Variants in ETFDH observed in about 807,000 individuals in gnomAD.
ETFDH encodes the protein electron transfer flavoprotein dehydrogenase, also known as electron transfer flavoprotein-ubiquinone oxidoreductase, mitochondrial.
ETFDH carries 61 observed loss-of-function variants against 73.2 expected under a neutral mutation model. The ratio of observed to expected loss-of-function variants is 0.83; its 90% CI spans 0.68 to 1.03. The LOEUF (loss-of-function observed/expected upper bound fraction) is 1.03. Among genes scored for constraint, ETFDH ranks in the 50% least tolerant of loss-of-function variants. The pLI, the probability that ETFDH is intolerant of heterozygous loss-of-function variation, is 0.00. For synonymous variants in ETFDH, 243 were observed against 253.3 expected (o/e 0.96, Z 0.39); for missense variants, 685 against 745.0 (o/e 0.92, Z 0.94).
intron 1 of ETFDH, among the ~76,000 whole-genome samples, chr4:158,673,152 A>G (rs1447966814): frequency 1.3e-5 from 2 of 152,176 alleles, no homozygotes; most frequent in Admixed American, 6.5e-5. Flanking sequence ...AAAAATACAA[A>G]AATTAGCTGG....
chr4:158,673,664 C>T (rs1773639539), intron 1 of ETFDH, among the ~76,000 whole-genome samples: 1 of 152,140 alleles, frequency 6.6e-6, no homozygotes, highest in South Asian at 2.1e-4. Flanking sequence ...TTTTGCTGCA[C>T]TTAATGTATG....
chr4:158,698,144 T>A (rs533347181), intron 8 of ETFDH, among the ~76,000 whole-genome samples: 1 of 140,486 alleles, frequency 7.1e-6, no homozygotes, highest in Admixed American at 6.9e-5. Context: ...AACTTAGAAC[T>A]TTTTAAAAAT....
In ETFDH at chr4:158,706,640, G is replaced by C. The variant is rs771456968; in HGVS notation, c.1480G>C (p.Glu494Gln). ...WTLKHKGSDF[E>Q]RLKPAKDCTP... is the part of the protein sequence containing the mutation. ...CAAAATTGTTGAAGGTTCTGACTTT[G>C]AACGGCTCAAGCCAGCCAAGGATTG... Residue 494 changes from glutamate to glutamine, a missense_variant, in exon 12 of 13, where the codon GAA (glutamate) becomes CAA (glutamine). Transcript: ENST00000511912. 78 of 1,613,760 alleles carry C rather than the reference G, an allele frequency of 4.8e-5. No individual in the cohort carries two copies. In the Middle Eastern group the frequency reaches 6.6e-4, roughly 14 times the overall value.
intron 1 of ETFDH, among the ~76,000 whole-genome samples, chr4:158,677,703 T>C (rs1187713319): frequency 6.6e-6 from 1 of 152,204 alleles, no homozygotes; most frequent in African/African-American, 2.4e-5. Context: ...GTCTGTTCTG[T>C]CAGTCTTAGG....
At chr4:158,694,167 A>T (rs183366464) in intron 6 of ETFDH, among the ~76,000 whole-genome samples, 1 of 152,226 alleles carries the variant, frequency 6.6e-6, no homozygotes, top group Non-Finnish European at 1.5e-5. Flanking sequence ...AAAGGAACGT[A>T]TATTTTTTTC....
intron 11 of ETFDH, 96 bp from the exon 12 acceptor site, chr4:158,706,533 G>T: frequency 8.7e-7 from 1 of 1,144,914 alleles, no homozygotes; most frequent in Non-Finnish European, 1.3e-6. Context: ...ATATTTCTTT[G>T]GTGTGATAAT....
At chr4:158,680,228 G>A (rs1773815341) in intron 1 of ETFDH, 1 of 421,368 alleles carries the variant, frequency 2.4e-6, no homozygotes, top group African/African-American at 2.0e-5. Flanking sequence ...CAGCTTTCAT[G>A]ACTAATCCAT....
chr4:158,684,485 G>C (rs1463909440), intron 3 of ETFDH, 107 bp from the exon 4 acceptor site: 1 of 656,008 alleles, frequency 1.5e-6, no homozygotes, highest in African/African-American at 1.8e-5. Context: ...AAAATTAGGG[G>C]GGAGTTCTTT....
chr4:158,706,112 A>C, intron 10 of ETFDH, 77 bp from the exon 11 acceptor site: 1 of 1,016,538 alleles, frequency 9.8e-7, no homozygotes, highest in Admixed American at 1.7e-5. Flanking sequence ...ATCAGCTATC[A>C]AAGTAGCAAA....
Position 158,699,106 on chromosome 4 carries a change from A to G in ETFDH, c.1092A>G (p.Arg364=). The change falls in exon 9 of 13, where the codon AGA becomes AGG. Residue 364 remains arginine (R), a synonymous_variant. Coordinates refer to ENST00000511912, the MANE Select transcript of ETFDH (RefSeq NM_004453.4). The part of the protein sequence containing the change: ...EGGKRIAYGA[R]ALNEGGFQSI... ...GAAAAAGGATTGCATACGGAGCCAG[A>G]GCTCTCAATGAAGGTGGCTTTCAGG... The G allele has an allele frequency of 6.2e-7, 1 of 1,614,058 alleles. No individual in the cohort carries two copies. Among genetic ancestry groups the G allele is most frequent in the Admixed American group, 1.7e-5 (1 of 60,018 alleles).
chr4:158,690,282 T>A, intron 5 of ETFDH, 66 bp from the exon 6 acceptor site: 2 of 878,882 alleles, frequency 2.3e-6, no homozygotes, highest in Non-Finnish European at 3.9e-6. Flanking sequence ...TAAGGCTGTT[T>A]ACTGTTTTTT....
At chr4:158,680,659 T>A (rs1384349287) in intron 2 of ETFDH, 52 bp downstream of exon 2, 1 of 1,460,606 alleles carries the variant, frequency 6.8e-7, no homozygotes, top group African/African-American at 1.4e-5. Flanking sequence ...TACTTTGTTT[T>A]CATTTTGTGG....
Position 158,706,245 on chromosome 4 carries a change from C to A in ETFDH, c.1342C>A (p.Leu448Ile), listed in dbSNP as rs1455095381. 3.1e-6 allele frequency: 5 copies of A among 1,611,288 alleles called. No homozygotes were observed. The highest frequency in any genetic ancestry group is 4.2e-6 in the Non-Finnish European group (5 of 1,177,404). The change falls in exon 11 of 13, where the codon CTA becomes ATA. Residue 448 changes from leucine to isoleucine, a missense_variant. Leu to Ile is a conservative substitution (Grantham distance 5). Around this residue, in one of 3 missense-constraint regions of ETFDH, gnomAD observed 201 missense variants for 225.2 expected, o/e 0.89. Transcript: ENST00000511912. ...GAAGAACTCATGGGTATGGAAAGAG[C>A]TATATTCTGTTAGAAATATAAGACC... Reference protein sequence around the residue: ...NLKNSWVWKELYSVRNIRPSC... With the variant: ...NLKNSWVWKEIYSVRNIRPSC...
intron 1 of ETFDH, among the ~76,000 whole-genome samples, chr4:158,676,063 T>C (rs1227541437): frequency 6.6e-6 from 1 of 152,116 alleles, no homozygotes; most frequent in Non-Finnish European, 1.5e-5. Flanking sequence ...AACAGGAGAA[T>C]TAGAATAGAG....
chr4:158,676,022 G>T (rs1773703499), intron 1 of ETFDH, among the ~76,000 whole-genome samples: 1 of 152,098 alleles, frequency 6.6e-6, no homozygotes, highest in South Asian at 2.1e-4. Flanking sequence ...GGTTCTCCTT[G>T]CCCACTACCC....
chr4:158,688,253 G>A (rs1774059889), intron 5 of ETFDH, among the ~76,000 whole-genome samples: 1 of 151,506 alleles, frequency 6.6e-6, no homozygotes. Flanking sequence ...TTAGCTGGGT[G>A]TGGTGGCAGG....
chr4:158,674,810 G>A (rs940236437), intron 1 of ETFDH, among the ~76,000 whole-genome samples: 1 of 152,120 alleles, frequency 6.6e-6, no homozygotes, highest in Non-Finnish European at 1.5e-5. Flanking sequence ...CAAGGTCAGT[G>A]CTTTTGGAGC....
chr4:158,697,491 C>G, intron 7 of ETFDH, 68 bp from the exon 8 acceptor site: 1 of 1,314,256 alleles, frequency 7.6e-7, no homozygotes, highest in South Asian at 1.2e-5. Flanking sequence ...AAGTTTTATG[C>G]ATTGTGGTGA....
chr4:158,697,837 G>A, intron 8 of ETFDH, 138 bp downstream of exon 8: 3 of 771,064 alleles, frequency 3.9e-6, no homozygotes, highest in Middle Eastern at 3.0e-4. Context: ...TATGTAAAGT[G>A]CTTATGGCTG....
Sources: gnomAD v4.1 joint callset for allele counts (sites outside exome capture counted in the v4.1 genomes callset) on GRCh38, gnomAD v4.1.1 for gene constraint, gnomAD v4.1.1 regional missense constraint, MANE v1.5 for transcripts, NCBI Gene and HGNC (gene_info 2026-07-23, HGNC 2026-07-21) for gene names.